The following PON3 variants were observed in gnomAD, a reference collection of about 807,000 sequenced individuals.
PON3 encodes the protein serum paraoxonase/lactonase 3.
In PON3, 37 loss-of-function variants were observed where a neutral mutation model predicts 36.3. That is an observed-to-expected ratio of 1.02 (90% CI 0.78 to 1.34). PON3 has a LOEUF of 1.34. Among genes scored for constraint, PON3 ranks in the 40% most tolerant of loss-of-function variants. PON3 has a pLI of 0.00. For missense variants in PON3, 415 were observed against 426.5 expected, an observed-to-expected ratio of 0.97 and a Z score of 0.24; for synonymous variants, 155 against 154.8, an observed-to-expected ratio of 1.00 and a Z score of -0.01.
chr7:95,365,650 C>T (rs1190943417), intron 5 of PON3: 1 of 152,222 alleles, frequency 6.6e-6, no homozygotes, highest in Non-Finnish European at 1.5e-5. Context: ...GAACCACAAA[C>T]TCAGTGGCTT....
intron 2 of PON3, among the ~76,000 whole-genome samples, chr7:95,393,616 G>C (rs1370194950): frequency 2.0e-5 from 3 of 152,146 alleles, no homozygotes; most frequent in Non-Finnish European, 4.4e-5. Context: ...GAAGCATGAG[G>C]GACAAGCGGG....
At chr7:95,384,924 C>T (rs906255570) in intron 3 of PON3, among the ~76,000 whole-genome samples, 5 of 152,104 alleles carry the variant, frequency 3.3e-5, no homozygotes, top group Non-Finnish European at 5.9e-5. Flanking sequence ...TGCGGCACTA[C>T]TCACAATAGC....
intron 2 of PON3, among the ~76,000 whole-genome samples, chr7:95,391,298 G>A (rs772494039): frequency 1.3e-5 from 2 of 152,182 alleles, no homozygotes; most frequent in Non-Finnish European, 2.9e-5. Context: ...AGGAGTGGAA[G>A]AGAAGATACG....
intron 1 of PON3, among the ~76,000 whole-genome samples, chr7:95,395,212 G>A (rs903944152): frequency 1.9e-4 from 29 of 151,958 alleles, no homozygotes; most frequent in African/African-American, 5.8e-4. Flanking sequence ...GACTTACTCC[G>A]CAAGTATGTA....
At chr7:95,377,158 C>T (rs1808936496) in intron 3 of PON3, among the ~76,000 whole-genome samples, 1 of 152,222 alleles carries the variant, frequency 6.6e-6, no homozygotes, top group African/African-American at 2.4e-5. Flanking sequence ...GCACAGCAGT[C>T]TGAGATCAAC....
At chr7:95,387,972 A>C (rs1293983453) in intron 3 of PON3, among the ~76,000 whole-genome samples, 4 of 152,214 alleles carry the variant, frequency 2.6e-5, no homozygotes, top group Non-Finnish European at 5.9e-5. Context: ...CACCTTATAC[A>C]AAAGTTAATT....
intron 3 of PON3, among the ~76,000 whole-genome samples, chr7:95,374,131 G>A (rs911317027): frequency 1.3e-5 from 2 of 152,106 alleles, no homozygotes; most frequent in Admixed American, 6.5e-5. Flanking sequence ...TGTCTTCCAC[G>A]AAACTGGTCC....
chr7:95,373,085 T>G (rs1808844502), intron 3 of PON3, among the ~76,000 whole-genome samples: 1 of 152,190 alleles, frequency 6.6e-6, no homozygotes, highest in African/African-American at 2.4e-5. Flanking sequence ...TGGGGTTGGT[T>G]TATTCTACAC....
intron 3 of PON3, among the ~76,000 whole-genome samples, chr7:95,389,899 T>C (rs1032196148): frequency 6.6e-6 from 1 of 152,146 alleles, no homozygotes. Flanking sequence ...TGGAAATCAA[T>C]ACACATTTAT....
intron 8 of PON3, among the ~76,000 whole-genome samples, chr7:95,361,814 T>C (rs1020014371): frequency 6.6e-6 from 1 of 152,192 alleles, no homozygotes; most frequent in African/African-American, 2.4e-5. Flanking sequence ...TGTCTTATAA[T>C]GTTGTTTTTA....
intron 4 of PON3, among the ~76,000 whole-genome samples, chr7:95,370,706 T>C (rs1168221982): frequency 5.3e-5 from 8 of 152,200 alleles, no homozygotes; most frequent in Non-Finnish European, 8.8e-5. Context: ...ATGTTTGAAA[T>C]TATGAACTGT....
chr7:95,390,763 T>C (rs1809300651), intron 2 of PON3, among the ~76,000 whole-genome samples: 1 of 152,194 alleles, frequency 6.6e-6, no homozygotes, highest in Non-Finnish European at 1.5e-5. Context: ...TAGTTAGATC[T>C]TTTTTCTCAG....
At chr7:95,384,080 C>T (rs925131953) in intron 3 of PON3, among the ~76,000 whole-genome samples, 2 of 152,044 alleles carry the variant, frequency 1.3e-5, no homozygotes, top group South Asian at 4.1e-4. Flanking sequence ...CTTTGACAAA[C>T]CTGATAAAAA....
intron 3 of PON3, 70 bp downstream of exon 3, chr7:95,390,084 G>A (rs1209408126): frequency 6.9e-7 from 1 of 1,456,960 alleles, no homozygotes; most frequent in Non-Finnish European, 9.6e-7. Context: ...GGCAGCTCCA[G>A]AGGACAACAT....
At chr7:95,384,915 G>C (rs1244260028) in intron 3 of PON3, among the ~76,000 whole-genome samples, 2 of 152,142 alleles carry the variant, frequency 1.3e-5, no homozygotes, top group Non-Finnish European at 2.9e-5. Context: ...TATGTTTATT[G>C]CGGCACTACT....
chr7:95,383,231 CCCACAG>C (rs1185406555), intron 3 of PON3, among the ~76,000 whole-genome samples: 3 of 152,132 alleles, frequency 2.0e-5, no homozygotes, highest in African/African-American at 7.2e-5. Flanking sequence ...CTATGACAAA[CCCACAG>C]CCAATATCAT....
intron 3 of PON3, among the ~76,000 whole-genome samples, chr7:95,373,920 A>G (rs1365124580): frequency 6.6e-6 from 1 of 152,158 alleles, no homozygotes; most frequent in African/African-American, 2.4e-5. Context: ...CAGGTGAGTG[A>G]GCATTACCGC....
At chr7:95,361,972 T>C (rs1208700462) in intron 8 of PON3, among the ~76,000 whole-genome samples, 1 of 152,088 alleles carries the variant, frequency 6.6e-6, no homozygotes, top group Non-Finnish European at 1.5e-5. Context: ...GAGGCGACAG[T>C]TATTTAAATC....
chr7:95,362,917 T>A (rs1441937488), intron 6 of PON3, 76 bp from the exon 7 acceptor site: 12 of 1,073,188 alleles, frequency 1.1e-5, no homozygotes, highest in Middle Eastern at 2.2e-4. Context: ...GGAGAAGAGG[T>A]ATAAAAATGC....
Sources: gnomAD v4.1 joint callset for allele counts (sites outside exome capture counted in the v4.1 genomes callset) on GRCh38, gnomAD v4.1.1 for gene constraint, MANE v1.5 for transcripts, NCBI Gene and HGNC (gene_info 2026-07-23, HGNC 2026-07-21) for gene names.